Variants in ASTN2 observed in about 807,000 individuals in gnomAD.
ASTN2 encodes astrotactin-2.
A neutral mutation model predicts 139.8 loss-of-function variants in ASTN2; 54 were observed. The observed-to-expected ratio is 0.39, with a 90% CI of 0.31 to 0.48. The LOEUF (loss-of-function observed/expected upper bound fraction) is 0.48, where lower values mean the gene tolerates loss of function less well. Among genes scored for constraint, ASTN2 ranks in the 20% least tolerant of loss-of-function variants. The pLI is 0.95. For synonymous variants in ASTN2, 756 were observed against 719.5 expected, an observed-to-expected ratio of 1.05 and a Z score of -0.81; for missense variants, 1,565 against 1,725.1, an observed-to-expected ratio of 0.91 and a Z score of 1.64.
chr9:116,951,101 G>A (rs934894934), intron 10 of ASTN2, among the ~76,000 whole-genome samples: 1 of 152,066 alleles, frequency 6.6e-6, no homozygotes, highest in South Asian at 2.1e-4. Flanking sequence ...ACTTTGGGAG[G>A]CTGAGGTGGG....
intron 10 of ASTN2, 57 bp from the exon 11 acceptor site, chr9:116,863,790 AAAT>A (rs1832953817): frequency 4.0e-6 from 6 of 1,499,542 alleles, no homozygotes; most frequent in Non-Finnish European, 5.4e-6. Context: ...TAGATTAAAA[AAAT>A]AATAATGTGA....
Position 116,697,613 on chromosome 9 carries a change from T to C in ASTN2, c.2806+28158A>G, listed in dbSNP as rs548528701. 5.0e-6 allele frequency: 6 copies of C among 1,196,574 alleles called. No individual in the cohort carries two copies. The African/African-American group carries it at 7.6e-5, about 15-fold the overall frequency. The allele number at this position is 1,196,574 out of a possible 1,614,324, so 74.1% of individuals were successfully genotyped here. A position where few individuals can be genotyped will look rare whatever the true frequency, so the allele number is the denominator to read the frequency against. Reference sequence around the variant, plus strand: ...TCTCTAAATGTTTCTTGAGTGAATTTATTTATATAGTCAGAGGAAAATGAA... The same window carrying C: ...TCTCTAAATGTTTCTTGAGTGAATTCATTTATATAGTCAGAGGAAAATGAA... On this transcript the variant is annotated intron_variant, in intron 16 of 22. Transcript: ENST00000313400.
At chr9:117,148,839 T>C (rs1194507378) in intron 3 of ASTN2, among the ~76,000 whole-genome samples, 1 of 152,078 alleles carries the variant, frequency 6.6e-6, no homozygotes, top group Admixed American at 6.5e-5. Flanking sequence ...AGTGAACACC[T>C]TGATGGAAGA....
At chr9:117,292,689 C>T (rs933671579) in intron 1 of ASTN2, among the ~76,000 whole-genome samples, 5 of 152,032 alleles carry the variant, frequency 3.3e-5, no homozygotes, top group East Asian at 1.9e-4. Context: ...CCAAAGACCT[C>T]GAGTGCATTC....
chr9:116,908,322 A>T (rs1304479546), intron 10 of ASTN2, among the ~76,000 whole-genome samples: 1 of 152,188 alleles, frequency 6.6e-6, no homozygotes, highest in East Asian at 1.9e-4. Flanking sequence ...GTTTTTCTCT[A>T]AGTCAGCCTT....
intron 7 of ASTN2, among the ~76,000 whole-genome samples, chr9:116,985,619 T>C (rs893347714): frequency 1.3e-5 from 2 of 152,196 alleles, no homozygotes; most frequent in African/African-American, 4.8e-5. Context: ...GAGAAAAGCA[T>C]GTGGCAAAGA....
At chr9:117,140,792 A>G (rs954830300) in intron 4 of ASTN2, among the ~76,000 whole-genome samples, 1 of 152,194 alleles carries the variant, frequency 6.6e-6, no homozygotes, top group Non-Finnish European at 1.5e-5. Context: ...CAACCCTGTG[A>G]GACAGGAGTG....
chr9:117,182,363 TGC>T (rs1284302468), intron 3 of ASTN2, among the ~76,000 whole-genome samples: 1 of 151,474 alleles, frequency 6.6e-6, no homozygotes, highest in Non-Finnish European at 1.5e-5. Context: ...ACCCCACAGA[TGC>T]ACACATGGCA....
chr9:117,340,498 C>G (rs914553744), intron 1 of ASTN2, among the ~76,000 whole-genome samples: 1 of 151,940 alleles, frequency 6.6e-6, no homozygotes, highest in African/African-American at 2.4e-5. Flanking sequence ...ATCAAGGGCT[C>G]AATAATAACT....
intron 17 of ASTN2, among the ~76,000 whole-genome samples, chr9:116,633,301 A>C (rs1162077027): frequency 6.6e-6 from 1 of 152,158 alleles, no homozygotes; most frequent in Non-Finnish European, 1.5e-5. Context: ...AGGGTTTGTT[A>C]ATCTTACACA....
intron 19 of ASTN2, chr9:116,545,750 G>T (rs1054411682): frequency 6.6e-6 from 1 of 152,064 alleles, no homozygotes; most frequent in African/African-American, 2.4e-5. Context: ...TGAATATAGG[G>T]TACAAGCCAG....
rs145657076 is a variant in ASTN2, at chr9:116,668,142, T to C, written c.2807-16349A>G. 5.4e-3 allele frequency among the ~76,000 whole-genome samples: 816 copies of C among 152,128 alleles called. 9 individuals are homozygous for C. The highest frequency in any genetic ancestry group is 0.018 in the African/African-American group (765 of 41,478). On this transcript the variant is annotated intron_variant, in intron 16 of 22. Transcript: ENST00000313400. Reference sequence around the variant, plus strand: ...AATCTTTAGTCTCCACAGTTTTACCTTTTCCAGAATGTCATACAGTGGGAA... The same window carrying C: ...AATCTTTAGTCTCCACAGTTTTACCCTTTCCAGAATGTCATACAGTGGGAA...
At chr9:117,075,575 A>G (rs1044768916) in intron 5 of ASTN2, among the ~76,000 whole-genome samples, 4 of 152,038 alleles carry the variant, frequency 2.6e-5, no homozygotes, top group Non-Finnish European at 5.9e-5. Flanking sequence ...TCTGGTCCAG[A>G]CACTACAGGG....
intron 2 of ASTN2, among the ~76,000 whole-genome samples, chr9:117,218,752 A>T (rs1393310485): frequency 6.6e-6 from 1 of 152,238 alleles, no homozygotes; most frequent in African/African-American, 2.4e-5. Context: ...GTAATACTAT[A>T]TCACACAGTT....
intron 2 of ASTN2, among the ~76,000 whole-genome samples, chr9:117,250,573 A>C (rs530561488): frequency 3.3e-4 from 51 of 152,346 alleles, no homozygotes; most frequent in African/African-American, 1.2e-3. Context: ...TTAATTCATT[A>C]ATTCCATAAA....
chr9:116,680,096 G>A (rs1219404637), intron 16 of ASTN2, among the ~76,000 whole-genome samples: 1 of 151,992 alleles, frequency 6.6e-6, no homozygotes, highest in Non-Finnish European at 1.5e-5. Flanking sequence ...CTGGTTTTTT[G>A]AAAGGATCAA....
chr9:116,966,111 T>C (rs898751026), intron 10 of ASTN2, among the ~76,000 whole-genome samples: 2 of 152,210 alleles, frequency 1.3e-5, no homozygotes, highest in Non-Finnish European at 2.9e-5. Flanking sequence ...CTCTCTTTCA[T>C]CTAAAGATCT....
At chr9:116,872,208 G>C (rs1833185886) in intron 10 of ASTN2, among the ~76,000 whole-genome samples, 1 of 152,144 alleles carries the variant, frequency 6.6e-6, no homozygotes, top group Non-Finnish European at 1.5e-5. Context: ...AGGTAATCCA[G>C]AGACCTTGGG....
intron 16 of ASTN2, among the ~76,000 whole-genome samples, chr9:116,706,092 C>A (rs1254145099): frequency 1.3e-5 from 2 of 152,018 alleles, no homozygotes; most frequent in Non-Finnish European, 2.9e-5. Context: ...TCCTTAGAGT[C>A]CTGAGGGTGG....
Sources: gnomAD v4.1 joint callset for allele counts (sites outside exome capture counted in the v4.1 genomes callset) on GRCh38, gnomAD v4.1.1 for gene constraint, MANE v1.5 for transcripts, NCBI Gene and HGNC (gene_info 2026-07-23, HGNC 2026-07-21) for gene names.